Variants in MRPS5 observed in about 807,000 individuals in gnomAD.
MRPS5 encodes mitochondrial ribosomal protein S5.
A neutral mutation model predicts 51.9 loss-of-function variants in MRPS5; 27 were observed. The ratio of observed to expected loss-of-function variants is 0.52; its 90% CI spans 0.38 to 0.72. The LOEUF (loss-of-function observed/expected upper bound fraction) is 0.72. Among genes scored for constraint, MRPS5 ranks in the 30% least tolerant of loss-of-function variants. The pLI is 0.00. For missense variants in MRPS5, 570 were observed against 545.7 expected (o/e 1.04, Z -0.44); for synonymous variants, 196 against 193.2 (o/e 1.01, Z -0.12).
At chr2:95,106,359 T>TGCCCGCCCCCCCC in intron 6 of MRPS5, 64 bp downstream of exon 6, 1 of 835,276 alleles carries the variant, frequency 1.2e-6, no homozygotes. Flanking sequence ...TCTTGCCCTG[T>TGCCCGCCCCCCCC]CCCTGCCCCA....
chr2:95,109,308 T>C (rs1676046232), intron 4 of MRPS5, among the ~76,000 whole-genome samples: 1 of 152,186 alleles, frequency 6.6e-6, no homozygotes, highest in East Asian at 1.9e-4. Context: ...CTATCAAAGA[T>C]GGTTTGTCAG....
At chr2:95,099,044 G>A (rs1249494377) in intron 10 of MRPS5, among the ~76,000 whole-genome samples, 5 of 150,248 alleles carry the variant, frequency 3.3e-5, no homozygotes, top group South Asian at 2.1e-4. Flanking sequence ...TCAGCCTCCC[G>A]AGTAGCTGGG....
chr2:95,100,455 G>GT lies in MRPS5; in HGVS notation c.931+18dup. On this transcript the variant is annotated intron_variant, in intron 10 of 11. Coordinates refer to ENST00000272418, the MANE Select transcript of MRPS5 (RefSeq NM_031902.5). Reference sequence around the variant, plus strand: ...TTCTCTGCTTTATCATCAACAAATGGTAAGAGTTTTAAAGTTACCTTTGGG... The same window carrying GT: ...TTCTCTGCTTTATCATCAACAAATGGTTAAGAGTTTTAAAGTTACCTTTGGG... 6.4e-7 allele frequency: 1 copy of GT among 1,552,818 alleles called. No individual in the cohort carries two copies. Among genetic ancestry groups the GT allele is most frequent in the Non-Finnish European group, 8.9e-7 (1 of 1,126,450 alleles).
intron 7 of MRPS5, among the ~76,000 whole-genome samples, chr2:95,102,156 CAA>C (rs1330914142): frequency 8.3e-6 from 1 of 120,456 alleles, no homozygotes; most frequent in Non-Finnish European, 1.8e-5. Flanking sequence ...TGTCTCAAAA[CAA>C]AAAAAAAAAA....
intron 2 of MRPS5, among the ~76,000 whole-genome samples, chr2:95,116,629 C>T (rs936074917): frequency 1.3e-5 from 2 of 152,200 alleles, no homozygotes; most frequent in African/African-American, 4.8e-5. Flanking sequence ...TTCTTATTCT[C>T]TGAATTATTA....
At chr2:95,097,479 T>C (rs1455656542) in intron 10 of MRPS5, among the ~76,000 whole-genome samples, 3 of 152,170 alleles carry the variant, frequency 2.0e-5, no homozygotes, top group Non-Finnish European at 2.9e-5. Flanking sequence ...CAAAACAGCA[T>C]GGTACTGGTA....
chr2:95,104,490 C>T, intron 7 of MRPS5, 150 bp downstream of exon 7: 1 of 763,882 alleles, frequency 1.3e-6, no homozygotes, highest in Non-Finnish European at 2.3e-6. Context: ...CATGGACTTA[C>T]CACAAGCTTT....
intron 11 of MRPS5, among the ~76,000 whole-genome samples, chr2:95,089,594 C>T (rs183513849): frequency 6.6e-6 from 1 of 152,216 alleles, no homozygotes; most frequent in East Asian, 1.9e-4. Context: ...GAAAAGTAAC[C>T]TGATATGTTA....
Position 95,090,530 on chromosome 2 carries a change from A to G in MRPS5, c.932-8T>C. 1 of 1,613,996 alleles carries G rather than the reference A, an allele frequency of 6.2e-7. No homozygotes were observed. Among genetic ancestry groups the G allele is most frequent in the Non-Finnish European group, 8.5e-7 (1 of 1,179,912 alleles). On this transcript the variant is annotated splice_polypyrimidine_tract_variant and splice_region_variant and intron_variant, in intron 10 of 11. Coordinates refer to ENST00000272418, the MANE Select transcript of MRPS5 (RefSeq NM_031902.5). ...GGCAGCGGAGGCCGTAACCTAGAAA[A>G]GGAGAAACCGGGTGAAACACAGCCC... is the stretch of plus-strand genomic sequence containing the variant.
At chr2:95,107,582 T>C (rs1675987195) in intron 5 of MRPS5, among the ~76,000 whole-genome samples, 1 of 152,210 alleles carries the variant, frequency 6.6e-6, no homozygotes, top group Non-Finnish European at 1.5e-5. Flanking sequence ...TTTCAACCTC[T>C]TCCCTCCTCT....
At chr2:95,109,328 TACAAG>T (rs1676046559) in intron 4 of MRPS5, among the ~76,000 whole-genome samples, 1 of 152,244 alleles carries the variant, frequency 6.6e-6, no homozygotes, top group African/African-American at 2.4e-5. Context: ...GCAAGCACAG[TACAAG>T]ACGGGCTGAT....
chr2:95,105,686 T>C (rs530857247), intron 6 of MRPS5, among the ~76,000 whole-genome samples: 19 of 152,242 alleles, frequency 1.2e-4, no homozygotes, highest in Non-Finnish European at 2.6e-4. Context: ...GTGGATCTTA[T>C]AGAAAATCAC....
chr2:95,117,897 G>A lies in MRPS5; in HGVS notation c.107C>T (p.Ser36Phe). The change falls in exon 2 of 12, where the codon TCC becomes TTC. Residue 36 changes from serine (S) to phenylalanine (F), a missense_variant. Transcript: ENST00000272418. ...QCSLNTLPAA[S>F]ILAWKSVLGN... ...GAGAACACTCTTCCATGCCAAAATG[G>A]AAGCTGCTGGTAAGGTGTTTAGGGA... 1 of 1,608,770 alleles carries A rather than the reference G, an allele frequency of 6.2e-7. No individual in the cohort carries two copies. Among genetic ancestry groups the A allele is most frequent in the Non-Finnish European group, 8.5e-7 (1 of 1,178,872 alleles).
chr2:95,111,180 G>A (rs1301999978), intron 3 of MRPS5, among the ~76,000 whole-genome samples: 1 of 152,172 alleles, frequency 6.6e-6, no homozygotes, highest in Non-Finnish European at 1.5e-5. Flanking sequence ...GGACATCCCT[G>A]ACCAGAACAA....
rs1220665955 is a variant in MRPS5, at chr2:95,100,656, T to C, written c.869-120A>G. On this transcript the variant is annotated intron_variant, in intron 9 of 11. Transcript: ENST00000272418. ...CCAGCACATATTGACCAAAGATAAA[T>C]GGTAAGCTCTGATTTCATTCATTTT... The C allele has an allele frequency of 3.3e-5, 30 of 904,518 alleles. 1 individual carries two copies. The highest frequency in any genetic ancestry group is 8.1e-5 in the Admixed American group (3 of 37,004). 56.0% of individuals were successfully genotyped at this position (904,518 alleles called of 1,614,324 possible). A position where few individuals can be genotyped will look rare whatever the true frequency, so the allele number is the denominator to read the frequency against.
chr2:95,092,337 TG>T (rs1296580781), intron 10 of MRPS5: 1 of 152,242 alleles, frequency 6.6e-6, no homozygotes. Context: ...CCATTTCTCT[TG>T]GGAGATTCAT....
chr2:95,121,109 C>T (rs1371742207), intron 1 of MRPS5, among the ~76,000 whole-genome samples: 1 of 152,046 alleles, frequency 6.6e-6, no homozygotes, highest in African/African-American at 2.4e-5. Flanking sequence ...CAGAGTAAGA[C>T]TGTCTCAAAA....
rs1199492797 is a variant in MRPS5, at chr2:95,086,628, G to C, written c.*729C>G. Among the ~76,000 whole-genome samples the C allele has an allele frequency of 6.6e-6, 1 of 152,010 alleles. No homozygotes were observed. The highest frequency in any genetic ancestry group is 1.5e-5 in the Non-Finnish European group (1 of 67,994). ...GGGTGGGGCAGAAAGAGTATGCAAA[G>C]AAATAAAAATATATATATTCCACAG... On this transcript the variant is annotated 3_prime_UTR_variant, in exon 12 of 12. Coordinates refer to ENST00000272418, the MANE Select transcript of MRPS5 (RefSeq NM_031902.5).
At chr2:95,119,860 A>AC (rs1676389808) in intron 1 of MRPS5, among the ~76,000 whole-genome samples, 1 of 152,118 alleles carries the variant, frequency 6.6e-6, no homozygotes, top group African/African-American at 2.4e-5. Flanking sequence ...CCCAGGAGTT[A>AC]GAGACCAGCC....
Sources: allele counts gnomAD v4.1 joint callset (sites outside exome capture counted in the v4.1 genomes callset), GRCh38; gene constraint gnomAD v4.1.1; transcripts MANE v1.5; gene names NCBI Gene and HGNC (gene_info 2026-07-23, HGNC 2026-07-21).